Variants in DDX43 observed in about 807,000 individuals in gnomAD.
DDX43 encodes the protein probable ATP-dependent RNA helicase DDX43.
A neutral mutation model predicts 84.9 loss-of-function variants in DDX43; 50 were observed. The ratio of observed to expected loss-of-function variants is 0.59; its 90% CI spans 0.47 to 0.75. DDX43 has a LOEUF of 0.75. Ranked by LOEUF, DDX43 falls within the 30% of genes least tolerant of loss-of-function variation. The pLI is 0.00. For synonymous variants in DDX43, 291 were observed against 266.3 expected, an observed-to-expected ratio of 1.09 and a Z score of -0.90; for missense variants, 689 against 798.6, an observed-to-expected ratio of 0.86 and a Z score of 1.65.
At chr6:73,415,628 CTCAG>C in intron 15 of DDX43, 44 bp downstream of exon 15, 1 of 1,410,084 alleles carries the variant, frequency 7.1e-7, no homozygotes, top group Non-Finnish European at 9.9e-7. Flanking sequence ...TTATCAGTAT[CTCAG>C]TCAGTTATGC....
chr6:73,413,792 A>AT lies in DDX43; in HGVS notation c.1496+13dup, dbSNP rs1308763000. 6.2e-7 allele frequency: 1 copy of AT among 1,610,418 alleles called. No individual in the cohort carries two copies. The highest frequency in any genetic ancestry group is 1.7e-5 in the Admixed American group (1 of 59,080). ...TCGTTTCTCGAAAAGCTGTGTAGGT[A>AT]TTTTTTCTTGTGTGTCCATTATAAT... On this transcript the variant is annotated splice_region_variant and intron_variant, in intron 12 of 16. Transcript: ENST00000370336.
chr6:73,397,798 A>G (rs1769501371), intron 2 of DDX43, 54 bp downstream of exon 2: 1 of 1,477,654 alleles, frequency 6.8e-7, no homozygotes, highest in East Asian at 2.3e-5. Context: ...TTTCTAAGGG[A>G]GCACCTAACT....
chr6:73,412,565 A>G (rs1039854864), intron 11 of DDX43, among the ~76,000 whole-genome samples: 7 of 150,250 alleles, frequency 4.7e-5, no homozygotes, highest in African/African-American at 1.7e-4. Context: ...TGTATTGCCC[A>G]GGCTGGAGTG....
intron 10 of DDX43, among the ~76,000 whole-genome samples, chr6:73,411,822 G>A (rs990139824): frequency 5.9e-5 from 9 of 151,914 alleles, no homozygotes; most frequent in African/African-American, 9.7e-5. Context: ...CTCAGCCTCC[G>A]GAGTAGCTGG....
chr6:73,395,966 T>A (rs1305986291), intron 1 of DDX43, among the ~76,000 whole-genome samples: 2 of 151,918 alleles, frequency 1.3e-5, no homozygotes, highest in East Asian at 3.8e-4. Context: ...TTTTTCTTTC[T>A]TTTGATTTTT....
Position 73,412,209 on chromosome 6 carries a change from A to T in DDX43, c.1285A>T (p.Thr429Ser). The change falls in exon 11 of 17, where the codon ACA (threonine) becomes TCA (serine). Residue 429 changes from threonine (T) to serine (S), a missense_variant. This residue lies in a region of DDX43 where 552 missense variants were observed against 692.7 expected (regional missense o/e 0.80). Coordinates refer to ENST00000370336, the MANE Select transcript of DDX43 (RefSeq NM_018665.3). ...GTTTGTAACTTGTATTCCCAGTGCT[A>T]CATGGCCTCATTCAGTTCATCGCCT... The part of the protein sequence containing the change: ...PDRQTVMTSA[T>S]WPHSVHRLAQ... 1 of 1,611,996 alleles carries T rather than the reference A, an allele frequency of 6.2e-7. No homozygotes were observed.
At position 73,414,464 on chromosome 6, in the gene DDX43, A is replaced by C; in HGVS notation, c.1607-84A>C. 3.5e-6 allele frequency: 4 copies of C among 1,152,874 alleles called. No homozygotes were observed. The South Asian group carries it at 6.1e-5, about 18-fold the overall frequency. The allele number at this position is 1,152,874 out of a possible 1,614,324, so 71.4% of individuals were successfully genotyped here. A position where few individuals can be genotyped will look rare whatever the true frequency, so the allele number is the denominator to read the frequency against. On this transcript the variant is annotated intron_variant, in intron 13 of 16. Coordinates refer to ENST00000370336, the MANE Select transcript of DDX43 (RefSeq NM_018665.3). The stretch of plus-strand genomic sequence containing the variant: ...AAACAGTAAGAAATAAAATTGATTA[A>C]ATTAGTTAGGGCAAATATTATTTTT...
rs1562286166 is a variant in DDX43, at chr6:73,412,674, C to CGT, written c.1368+383_1368+384insTG. ...GTGTGTGTGTGTGTGTGTGTGCGCG[C>CGT]GCGCGTGTGTGTGTGTGCGCGTGCG... On this transcript the variant is annotated intron_variant, in intron 11 of 16. Coordinates refer to ENST00000370336, the MANE Select transcript of DDX43 (RefSeq NM_018665.3). 5.5e-5 allele frequency among the ~76,000 whole-genome samples: 3 copies of CGT among 54,372 alleles called. 1 individual carries two copies. Among genetic ancestry groups the CGT allele is most frequent in the East Asian group, 1.3e-3 (2 of 1,532 alleles). 35.7% of individuals were successfully genotyped at this position (54,372 alleles called of 152,430 possible).
At chr6:73,415,962 G>T in intron 15 of DDX43, 151 bp from the exon 16 acceptor site, 1 of 583,334 alleles carries the variant, frequency 1.7e-6, no homozygotes. Flanking sequence ...TTTATAGCCT[G>T]TAGATGGATG....
intron 7 of DDX43, 75 bp downstream of exon 7, chr6:73,406,557 CT>C (rs1769688124): frequency 1.1e-6 from 1 of 933,686 alleles, no homozygotes; most frequent in Non-Finnish European, 1.7e-6. Flanking sequence ...ATTAAAGTTT[CT>C]TTACCTATTG....
chr6:73,410,912 C>T (rs1769772585), intron 10 of DDX43, among the ~76,000 whole-genome samples: 1 of 151,788 alleles, frequency 6.6e-6, no homozygotes, highest in Non-Finnish European at 1.5e-5. Context: ...TATGGCCAGG[C>T]GCCGTGGCTC....
chr6:73,404,891 G>A, intron 5 of DDX43, 120 bp downstream of exon 5: 1 of 785,096 alleles, frequency 1.3e-6, no homozygotes. Flanking sequence ...AAATGAAAAT[G>A]TGTCAACTTA....
At chr6:73,415,167 G>A (rs563110868) in intron 14 of DDX43, among the ~76,000 whole-genome samples, 30 of 152,128 alleles carry the variant, frequency 2.0e-4, no homozygotes, top group African/African-American at 6.3e-4. Flanking sequence ...GCGTGGTGGC[G>A]GGCGCCTGTA....
In DDX43 at chr6:73,416,243, G is replaced by T; in HGVS notation, c.*17G>T. ...TTTCATTAATGTCTTCTGTACTAGT[G>T]GGGTAGAGGTAAAAGTTCAATAACA... On this transcript the variant is annotated 3_prime_UTR_variant, in exon 16 of 17. Transcript: ENST00000370336. 6.0e-6 allele frequency: 8 copies of T among 1,333,234 alleles called. No individual in the cohort carries two copies. The highest frequency in any genetic ancestry group is 3.6e-5 in the South Asian group (3 of 83,512). The allele number at this position is 1,333,234 out of a possible 1,614,324, so 82.6% of individuals were successfully genotyped here.
chr6:73,404,854 TA>T, intron 5 of DDX43, 83 bp downstream of exon 5: 1 of 1,058,098 alleles, frequency 9.5e-7, no homozygotes, highest in South Asian at 1.4e-5. Context: ...TGTGAAATGA[TA>T]TTTGAAGGCT....
intron 11 of DDX43, among the ~76,000 whole-genome samples, chr6:73,413,203 C>A (rs1769836977): frequency 2.0e-5 from 3 of 152,000 alleles, no homozygotes; most frequent in Non-Finnish European, 2.9e-5. Context: ...AGTTCTCTTT[C>A]TGGCTTTTTG....
intron 2 of DDX43, chr6:73,397,958 C>T (rs1018608880): frequency 2.5e-6 from 1 of 394,516 alleles, no homozygotes; most frequent in Admixed American, 4.3e-5. Flanking sequence ...CCACCAAGCC[C>T]AGCTAATTTA....
rs1582642213 is a variant in DDX43, at chr6:73,413,713, G to A, written c.1424G>A (p.Ser475Asn). ...IIVTTEEEKW[S>N]HMQTFLQSMS... ...GTAACCACCGAGGAAGAGAAATGGA[G>A]TCACATGCAAACTTTTCTACAGAGT... is the stretch of plus-strand genomic sequence containing the variant. The change falls in exon 12 of 17, where the codon AGT becomes AAT. Residue 475 changes from serine (S) to asparagine (N), a missense_variant. Ser to Asn is a conservative substitution (Grantham distance 46, BLOSUM62 1). Coordinates refer to ENST00000370336, the MANE Select transcript of DDX43 (RefSeq NM_018665.3). 1 of 1,613,788 alleles carries A rather than the reference G, an allele frequency of 6.2e-7. No individual in the cohort carries two copies. The highest frequency in any genetic ancestry group is 8.5e-7 in the Non-Finnish European group (1 of 1,179,834).
intron 2 of DDX43, 96 bp from the exon 3 acceptor site, chr6:73,400,138 A>G: frequency 3.0e-6 from 3 of 1,004,202 alleles, no homozygotes; most frequent in Non-Finnish European, 4.3e-6. Flanking sequence ...TAGATTTTGA[A>G]GTTGAGTGAT....
Sources: gnomAD v4.1 joint callset for allele counts (sites outside exome capture counted in the v4.1 genomes callset) on GRCh38, gnomAD v4.1.1 for gene constraint, gnomAD v4.1.1 regional missense constraint, MANE v1.5 for transcripts, NCBI Gene and HGNC (gene_info 2026-07-23, HGNC 2026-07-21) for gene names.